FREM1: variants seen among roughly 807,000 people sequenced by gnomAD.
FREM1 encodes FRAS1 related extracellular matrix 1.
Under a neutral mutation model 210.1 loss-of-function variants are expected in FREM1, and 220 were observed. That is an observed-to-expected ratio of 1.05 (90% confidence interval 0.94 to 1.17). FREM1 has a LOEUF of 1.17. Among genes scored for constraint, FREM1 ranks in the 50% most tolerant of loss-of-function variants. FREM1 has a pLI of 0.00. For synonymous variants in FREM1, 1,189 were observed against 980.2 expected, an observed-to-expected ratio of 1.21 and a Z score of -3.98; for missense variants, 3,454 against 2,675.5, an observed-to-expected ratio of 1.29 and a Z score of -6.42.
chr9:14,832,579 A>G (rs1823766189), intron 10 of FREM1, among the ~76,000 whole-genome samples: 1 of 152,224 alleles, frequency 6.6e-6, no homozygotes, highest in African/African-American at 2.4e-5. Context: ...TTTGCAGTTT[A>G]AAATGGCTTC....
rs768601840 is a variant in FREM1, at chr9:14,801,830, G to A, written c.3516C>T (p.Ser1172=). The change falls in exon 20 of 37, where the codon AGC becomes AGT. Residue 1172 remains serine, a synonymous_variant. Coordinates refer to ENST00000380880, the MANE Select transcript of FREM1 (RefSeq NM_001379081.2). ...CCTGGGGAATGTCCAGGTCCACAGCGCTGATGATGGAAGAGTCCAGCTCTT... is the reference window on the plus strand; with the variant it reads ...CCTGGGGAATGTCCAGGTCCACAGCACTGATGATGGAAGAGTCCAGCTCTT... ...QMKELDSSII[S]AVDLDIPQDA... is the part of the protein sequence containing the mutation. 77 of 1,613,768 alleles carry A rather than the reference G, an allele frequency of 4.8e-5. No individual in the cohort carries two copies. The South Asian group carries it at 4.8e-4, about 10-fold the overall frequency.
chr9:14,824,565 T>C (rs1821983870), intron 11 of FREM1, among the ~76,000 whole-genome samples: 1 of 152,210 alleles, frequency 6.6e-6, no homozygotes, highest in Non-Finnish European at 1.5e-5. Flanking sequence ...GTTTTAAGCC[T>C]ACCAATGCTG....
At position 14,817,960 on chromosome 9, in the gene FREM1, C is replaced by G. The variant is rs145176838; in HGVS notation, c.2547-1089G>C. 4.0e-3 allele frequency among the ~76,000 whole-genome samples: 603 copies of G among 152,270 alleles called. 5 individuals carry two copies. The highest frequency in any genetic ancestry group is 0.014 in the African/African-American group (582 of 41,548). ...TAAAATCCCTAAAAGGATCAAATGGCCCTAAGAGTACACATCCAAAGGATG... is the reference window on the plus strand; with the variant it reads ...TAAAATCCCTAAAAGGATCAAATGGGCCTAAGAGTACACATCCAAAGGATG... On this transcript the variant is annotated intron_variant, in intron 14 of 36. Transcript: ENST00000380880.
chr9:14,862,690 G>A (rs1280539452), intron 3 of FREM1, among the ~76,000 whole-genome samples: 1 of 152,110 alleles, frequency 6.6e-6, no homozygotes, highest in Non-Finnish European at 1.5e-5. Flanking sequence ...CCGTCTCTGT[G>A]AATTTGCCAG....
chr9:14,778,834 G>C (rs914833111), intron 24 of FREM1, among the ~76,000 whole-genome samples: 1 of 151,668 alleles, frequency 6.6e-6, no homozygotes, highest in Non-Finnish European at 1.5e-5. Flanking sequence ...CTCGAGCTCA[G>C]GAGTTTGAGA....
At chr9:14,789,209 A>G (rs1850893988) in intron 22 of FREM1, 95 bp from the exon 23 acceptor site, 1 of 700,200 alleles carries the variant, frequency 1.4e-6, no homozygotes, top group African/African-American at 1.8e-5. Flanking sequence ...AAAACCTCCA[A>G]TATAAATAAT....
chr9:14,863,803 G>A lies in FREM1; in HGVS notation c.329+6C>T, dbSNP rs373292520. 1.6e-5 allele frequency: 26 copies of A among 1,583,074 alleles called. No individual in the cohort carries two copies. Among genetic ancestry groups the A allele is most frequent in the South Asian group, 6.6e-5 (6 of 90,296 alleles). On this transcript the variant is annotated splice_donor_region_variant and intron_variant, in intron 3 of 36. Coordinates refer to ENST00000380880, the MANE Select transcript of FREM1 (RefSeq NM_001379081.2). ...AGCAAATGAGCGATGTTCCCGTGCC[G>A]CTTACCTGTAAAGTCTGAGCTTCAC...
chr9:14,808,413 T>C (rs916706570), intron 16 of FREM1, among the ~76,000 whole-genome samples: 1 of 152,228 alleles, frequency 6.6e-6, no homozygotes, highest in East Asian at 1.9e-4. Flanking sequence ...TGACAGTTTA[T>C]GAATGAGCAA....
chr9:14,879,641 T>C (rs1256595219), intron 1 of FREM1, among the ~76,000 whole-genome samples: 1 of 152,214 alleles, frequency 6.6e-6, no homozygotes, highest in Non-Finnish European at 1.5e-5. Context: ...GGAATGTAAC[T>C]TTTAGAATTT....
chr9:14,749,660 A>G (rs1026442005), intron 30 of FREM1, among the ~76,000 whole-genome samples: 20 of 152,204 alleles, frequency 1.3e-4, no homozygotes, highest in African/African-American at 4.6e-4. Flanking sequence ...AATATTCTCC[A>G]GCTGCTCCCA....
chr9:14,799,281 G>A (rs1853068731), intron 20 of FREM1, among the ~76,000 whole-genome samples: 1 of 149,502 alleles, frequency 6.7e-6, no homozygotes, highest in African/African-American at 2.5e-5. Context: ...GCAAGACCCT[G>A]TCTCCAAAAA....
At chr9:14,881,563 A>T (rs7039423) in intron 1 of FREM1, among the ~76,000 whole-genome samples, 15,271 of 152,280 alleles carry the variant, frequency 0.1, 1,374 homozygotes, top group African/African-American at 0.24. Context: ...TAGAATGCCA[A>T]ATAAGCTCCT....
intron 24 of FREM1, among the ~76,000 whole-genome samples, chr9:14,777,845 G>A (rs192412148): frequency 2.6e-5 from 4 of 152,244 alleles, no homozygotes; most frequent in Admixed American, 2.0e-4. Flanking sequence ...CTGCGACCAC[G>A]GACTCAGGGA....
chr9:14,851,154 C>A, intron 6 of FREM1, 130 bp downstream of exon 6: 2 of 706,606 alleles, frequency 2.8e-6, no homozygotes, highest in Middle Eastern at 3.3e-4. Context: ...GAGTGTGCAT[C>A]CTGATTTACA....
chr9:14,746,097 G>T (rs1842374218), intron 35 of FREM1, among the ~76,000 whole-genome samples: 1 of 152,122 alleles, frequency 6.6e-6, no homozygotes, highest in Non-Finnish European at 1.5e-5. Context: ...ACAGAAAAGA[G>T]CTCAGTCAAA....
intron 19 of FREM1, among the ~76,000 whole-genome samples, chr9:14,802,463 G>C (rs1341781092): frequency 2.0e-5 from 3 of 152,090 alleles, no homozygotes; most frequent in South Asian, 2.1e-4. Flanking sequence ...TTTCATAATG[G>C]GTCCCTCATC....
At chr9:14,778,353 G>A (rs1848979693) in intron 24 of FREM1, among the ~76,000 whole-genome samples, 1 of 83,950 alleles carries the variant, frequency 1.2e-5, no homozygotes, top group South Asian at 4.0e-4. Flanking sequence ...GCTCACACCT[G>A]TAAACCCAGT....
At chr9:14,743,241 T>C (rs1841874360) in intron 35 of FREM1, among the ~76,000 whole-genome samples, 1 of 152,086 alleles carries the variant, frequency 6.6e-6, no homozygotes, top group African/African-American at 2.4e-5. Flanking sequence ...CTTAAGTTTA[T>C]TATTGTGATG....
intron 29 of FREM1, among the ~76,000 whole-genome samples, chr9:14,752,075 A>C (rs1376829303): frequency 1.3e-5 from 2 of 151,454 alleles, no homozygotes; most frequent in East Asian, 3.9e-4. Context: ...TATATTTTGT[A>C]CTTATGATAT....
Sources: allele counts gnomAD v4.1 joint callset (sites outside exome capture counted in the v4.1 genomes callset), GRCh38; gene constraint gnomAD v4.1.1; transcripts MANE v1.5; gene names NCBI Gene and HGNC (gene_info 2026-07-23, HGNC 2026-07-21).